Variants in SLC2A9 observed in about 807,000 individuals in gnomAD.
SLC2A9 encodes solute carrier family 2 member 9, also known as solute carrier family 2, facilitated glucose transporter member 9.
In SLC2A9, 39 loss-of-function variants were observed where a neutral mutation model predicts 50.6. The ratio of observed to expected loss-of-function variants is 0.77; its 90% CI spans 0.60 to 1.01. The LOEUF is 1.01. Among genes scored for constraint, SLC2A9 ranks in the 50% least tolerant of loss-of-function variants. The pLI is 0.00. For missense variants in SLC2A9, 686 were observed against 677.6 expected (o/e 1.01, Z -0.14); for synonymous variants, 324 against 276.9 (o/e 1.17, Z -1.69).
chr4:9,851,056 C>G (rs987207163), intron 10 of SLC2A9, among the ~76,000 whole-genome samples: 1 of 152,152 alleles, frequency 6.6e-6, no homozygotes, highest in African/African-American at 2.4e-5. Context: ...CACCCAACTC[C>G]TGCTGGTGCC....
chr4:10,032,879 C>CA (rs1763979325), intron 1 of SLC2A9, among the ~76,000 whole-genome samples: 1 of 152,176 alleles, frequency 6.6e-6, no homozygotes, highest in Non-Finnish European at 1.5e-5. Context: ...TAACCGTGAC[C>CA]ATGGGCAAGT....
rs1157381637 is a variant in SLC2A9 at position 9,855,579 on chromosome 4, T to C, written c.1292-20571A>G. On this transcript the variant is annotated intron_variant, in intron 10 of 11. Coordinates refer to ENST00000264784, the MANE Select transcript of SLC2A9 (RefSeq NM_020041.3). Reference sequence around the variant, plus strand: ...AGATTCAATGCAATTCATGTCAAACTATCAATGACATCCTTCACAGAATTA... The same window carrying C: ...AGATTCAATGCAATTCATGTCAAACCATCAATGACATCCTTCACAGAATTA... 4.6e-5 allele frequency among the ~76,000 whole-genome samples: 7 copies of C among 152,182 alleles called. No individual in the cohort carries two copies. The South Asian group carries it at 1.2e-3, about 27-fold the overall frequency.
At chr4:9,903,673 G>T (rs377615729) in intron 8 of SLC2A9, among the ~76,000 whole-genome samples, 2 of 151,860 alleles carry the variant, frequency 1.3e-5, no homozygotes, top group Admixed American at 6.6e-5. Context: ...TAAGAGGAAT[G>T]AAAAAAATTG....
chr4:9,983,046 T>A (rs189718082), intron 4 of SLC2A9, among the ~76,000 whole-genome samples: 3 of 152,208 alleles, frequency 2.0e-5, no homozygotes, highest in African/African-American at 7.2e-5. Flanking sequence ...TTTTGTATTT[T>A]CAGTAGAGAC....
intron 1 of SLC2A9, among the ~76,000 whole-genome samples, chr4:10,037,756 C>T (rs1764151899): frequency 1.3e-5 from 2 of 152,074 alleles, no homozygotes; most frequent in South Asian, 4.1e-4. Flanking sequence ...CAAGACCAGC[C>T]TGAGCGACAT....
intron 1 of SLC2A9, among the ~76,000 whole-genome samples, chr4:10,033,566 C>G (rs565110255): frequency 1.3e-5 from 2 of 152,144 alleles, no homozygotes; most frequent in East Asian, 1.9e-4. Flanking sequence ...GCATCTGGCC[C>G]GCTTAAAATA....
chr4:10,037,495 A>G (rs1231643683), intron 1 of SLC2A9, among the ~76,000 whole-genome samples: 2 of 152,176 alleles, frequency 1.3e-5, no homozygotes, highest in Non-Finnish European at 2.9e-5. Context: ...CCCAGAGCTG[A>G]GACTGGGGTG....
At chr4:9,815,268 G>C (rs576204887) in intron 3 of SLC2A9, among the ~76,000 whole-genome samples, 2 of 152,202 alleles carry the variant, frequency 1.3e-5, no homozygotes, top group African/African-American at 2.4e-5. Flanking sequence ...CTTTAACCTG[G>C]AGGCACCTGC....
chr4:9,934,707 A>G (rs1746742144), intron 6 of SLC2A9, among the ~76,000 whole-genome samples: 1 of 152,228 alleles, frequency 6.6e-6, no homozygotes, highest in Admixed American at 6.5e-5. Flanking sequence ...GGTTTGTTAC[A>G]TAAATAAACA....
At chr4:9,972,420 G>C (rs1365555507) in intron 5 of SLC2A9, among the ~76,000 whole-genome samples, 4 of 152,094 alleles carry the variant, frequency 2.6e-5, no homozygotes, top group Non-Finnish European at 2.9e-5. Context: ...GTTCAGCCAT[G>C]ACAATTGTTT....
intron 7 of SLC2A9, among the ~76,000 whole-genome samples, chr4:9,909,283 T>C (rs1026171597): frequency 3.9e-5 from 6 of 152,158 alleles, no homozygotes; most frequent in African/African-American, 1.2e-4. Flanking sequence ...ATGAGGACTT[T>C]TGAGAGTGTT....
rs537831893 is a variant in SLC2A9, at chr4:9,812,545, C to T, written n.421-13304G>A. 2.9e-3 allele frequency among the ~76,000 whole-genome samples: 446 copies of T among 151,638 alleles called. 2 individuals carry two copies. The highest frequency in any genetic ancestry group is 5.5e-3 in the Non-Finnish European group (376 of 67,990). On this transcript the variant is annotated intron_variant and non_coding_transcript_variant, in intron 3 of 3. Coordinates refer to the SLC2A9 transcript ENST00000503280. ...GAAACTATAAGCCCTTTCTAACATACCTGCTCTCATCACTAAAAATATCTG... is the reference window on the plus strand; with the variant it reads ...GAAACTATAAGCCCTTTCTAACATATCTGCTCTCATCACTAAAAATATCTG...
intron 10 of SLC2A9, among the ~76,000 whole-genome samples, chr4:9,850,356 G>A (rs1488368705): frequency 6.6e-6 from 1 of 152,202 alleles, no homozygotes; most frequent in East Asian, 1.9e-4. Context: ...AACATCTGCA[G>A]TGAAGCATGG....
rs540438877 is a variant in SLC2A9 at position 9,934,360 on chromosome 4, G to A, written c.814+7553C>T. Among the ~76,000 whole-genome samples the A allele has an allele frequency of 2.6e-5, 4 of 152,340 alleles. No individual in the cohort carries two copies. The South Asian group carries it at 8.3e-4, about 32-fold the overall frequency. On this transcript the variant is annotated intron_variant, in intron 6 of 11. Coordinates refer to ENST00000264784, the MANE Select transcript of SLC2A9 (RefSeq NM_020041.3). ...GAGCAGATGCTTCCCTGGGTAGCTG[G>A]ACACTTTCTTGACCACAGATGGCTT...
intron 7 of SLC2A9, among the ~76,000 whole-genome samples, chr4:9,919,907 G>A (rs144228205): frequency 3.8e-3 from 576 of 152,214 alleles, no homozygotes; most frequent in Middle Eastern, 0.014. Flanking sequence ...CTCATGGAGA[G>A]ACCTCCTCAG....
intron 5 of SLC2A9, among the ~76,000 whole-genome samples, chr4:9,971,545 T>C (rs1248540789): frequency 6.6e-6 from 1 of 152,194 alleles, no homozygotes; most frequent in Admixed American, 6.5e-5. Context: ...TAAAAGAGTT[T>C]AGACACTAAC....
intron 1 of SLC2A9, among the ~76,000 whole-genome samples, chr4:10,033,900 T>C (rs1001296928): frequency 3.3e-5 from 5 of 152,178 alleles, no homozygotes; most frequent in Non-Finnish European, 5.9e-5. Flanking sequence ...AGGGCTAATG[T>C]CATCCCAAGC....
At chr4:9,860,789 C>T (rs184194049) in intron 10 of SLC2A9, among the ~76,000 whole-genome samples, 5 of 152,324 alleles carry the variant, frequency 3.3e-5, no homozygotes, top group Non-Finnish European at 5.9e-5. Context: ...ATCACAACCC[C>T]GGGAAGTCCT....
chr4:9,996,731 A>G (rs1282307410), intron 3 of SLC2A9, 50 bp downstream of exon 3: 4 of 1,602,730 alleles, frequency 2.5e-6, no homozygotes, highest in Non-Finnish European at 3.4e-6. Flanking sequence ...TGACACAGAT[A>G]TATTATGAAC....
Sources: allele counts gnomAD v4.1 joint callset (sites outside exome capture counted in the v4.1 genomes callset), GRCh38; gene constraint gnomAD v4.1.1; transcripts MANE v1.5; gene names NCBI Gene and HGNC (gene_info 2026-07-23, HGNC 2026-07-21).